The following IGF2BP2 variants were observed in gnomAD, a reference collection of about 807,000 sequenced individuals.
IGF2BP2 encodes insulin like growth factor 2 mRNA binding protein 2.
A neutral mutation model predicts 75.8 loss-of-function variants in IGF2BP2; 17 were observed. The ratio of observed to expected loss-of-function variants is 0.22; its 90% CI spans 0.15 to 0.34. IGF2BP2 has a LOEUF of 0.34. Among genes scored for constraint, IGF2BP2 ranks in the 10% least tolerant of loss-of-function variants. The pLI is 1.00. For synonymous variants in IGF2BP2, 288 were observed against 295.6 expected (o/e 0.97, Z 0.26); for missense variants, 516 against 772.4 (o/e 0.67, Z 3.93).
chr3:185,665,627 A>G (rs530362585), intron 10 of IGF2BP2, among the ~76,000 whole-genome samples: 13 of 151,940 alleles, frequency 8.6e-5, no homozygotes, highest in South Asian at 6.2e-4. Flanking sequence ...GAGGAGGAGG[A>G]TATCTACAAA....
chr3:185,801,620 A>T (rs538089287), intron 2 of IGF2BP2, among the ~76,000 whole-genome samples: 7 of 152,260 alleles, frequency 4.6e-5, no homozygotes, highest in African/African-American at 1.7e-4. Context: ...GCAATGCCTC[A>T]AGGATCTAGA....
At chr3:185,658,572 A>G (rs759966950) in intron 10 of IGF2BP2, among the ~76,000 whole-genome samples, 163 bp from the exon 11 acceptor site, 24 of 152,120 alleles carry the variant, frequency 1.6e-4, no homozygotes, top group Non-Finnish European at 8.8e-5. Context: ...TCTCTGCTCC[A>G]CTTCTCCCAC....
chr3:185,805,596 T>A (rs986886924), intron 2 of IGF2BP2, among the ~76,000 whole-genome samples: 5 of 152,022 alleles, frequency 3.3e-5, no homozygotes, highest in Non-Finnish European at 5.9e-5. Flanking sequence ...TGAGGAAAAC[T>A]GAGAAAAAAA....
intron 2 of IGF2BP2, among the ~76,000 whole-genome samples, chr3:185,820,196 C>A: frequency 6.7e-6 from 1 of 149,114 alleles, no homozygotes. Context: ...CAAAACAAGG[C>A]ATGCAGTATG....
chr3:185,722,811 C>T (rs1698682966), intron 2 of IGF2BP2, among the ~76,000 whole-genome samples: 1 of 152,114 alleles, frequency 6.6e-6, no homozygotes. Context: ...CACACATATA[C>T]ATATACACAG....
At chr3:185,712,376 C>T (rs544212238) in intron 2 of IGF2BP2, among the ~76,000 whole-genome samples, 7 of 152,114 alleles carry the variant, frequency 4.6e-5, no homozygotes, top group African/African-American at 1.4e-4. Context: ...AGAAAAAATA[C>T]AAATTTTAAA....
chr3:185,722,845 CAT>C (rs1726770668), intron 2 of IGF2BP2, among the ~76,000 whole-genome samples: 1 of 152,152 alleles, frequency 6.6e-6, no homozygotes, highest in Non-Finnish European at 1.5e-5. Context: ...GTGCTATAAA[CAT>C]ATAAATGCAC....
chr3:185,815,646 A>C (rs1740502838), intron 2 of IGF2BP2, among the ~76,000 whole-genome samples: 1 of 152,158 alleles, frequency 6.6e-6, no homozygotes, highest in Non-Finnish European at 1.5e-5. Flanking sequence ...CCTGAGTCAG[A>C]ATTCCACGGA....
intron 2 of IGF2BP2, among the ~76,000 whole-genome samples, chr3:185,771,412 C>A: frequency 6.7e-6 from 1 of 150,212 alleles, no homozygotes; most frequent in African/African-American, 2.5e-5. Flanking sequence ...TGCACTCCAG[C>A]CTGGGCGAAA....
intron 2 of IGF2BP2, among the ~76,000 whole-genome samples, chr3:185,720,685 G>A (rs544203353): frequency 1.2e-4 from 18 of 152,290 alleles, no homozygotes; most frequent in Non-Finnish European, 2.2e-4. Context: ...CACTCACCCA[G>A]TTATTCAGAG....
intron 2 of IGF2BP2, among the ~76,000 whole-genome samples, chr3:185,822,892 G>A (rs958013533): frequency 1.3e-5 from 2 of 151,802 alleles, no homozygotes; most frequent in African/African-American, 4.8e-5. Context: ...CAAGTTACAG[G>A]GTCCCAGCGA....
intron 2 of IGF2BP2, among the ~76,000 whole-genome samples, chr3:185,780,085 G>GA (rs1167251787): frequency 6.6e-5 from 10 of 152,148 alleles, no homozygotes; most frequent in Non-Finnish European, 1.2e-4. Flanking sequence ...CATGTTGCGT[G>GA]AAAAAAGCCA....
chr3:185,696,661 C>T lies in IGF2BP2; in HGVS notation c.291G>A (p.Val97=), dbSNP rs1253930239. The T allele has an allele frequency of 6.2e-7, 1 of 1,613,538 alleles. No homozygotes were observed. The highest frequency in any genetic ancestry group is 8.5e-7 in the Non-Finnish European group (1 of 1,179,734). ...RNIPPHLQWE[V]LDGLLAQYGT... ...CATATTGAGCCAAAAGTCCATCCAA[C>T]ACCTAAAAGAGAAAGCTTCCATGTC... Residue 97 remains valine (V), a splice_region_variant and synonymous_variant, in exon 4 of 16, where the codon GTG becomes GTA. Coordinates refer to ENST00000382199, the MANE Select transcript of IGF2BP2 (RefSeq NM_006548.6).
intron 2 of IGF2BP2, among the ~76,000 whole-genome samples, chr3:185,787,557 A>AC (rs1560469758): frequency 6.6e-6 from 1 of 152,062 alleles, no homozygotes; most frequent in Non-Finnish European, 1.5e-5. Context: ...ACGTGGTGAA[A>AC]CCCCACCTCT....
At chr3:185,819,252 T>C (rs968488767) in intron 2 of IGF2BP2, among the ~76,000 whole-genome samples, 1 of 152,158 alleles carries the variant, frequency 6.6e-6, no homozygotes, top group African/African-American at 2.4e-5. Flanking sequence ...CCTTTTGGAA[T>C]TAATGTTTAG....
intron 7 of IGF2BP2, among the ~76,000 whole-genome samples, chr3:185,677,090 G>GAGAGAA: frequency 7.7e-6 from 1 of 129,176 alleles, no homozygotes; most frequent in African/African-American, 2.9e-5. Flanking sequence ...GAGAGAGAGA[G>GAGAGAA]AGAGAGAGAG....
intron 2 of IGF2BP2, among the ~76,000 whole-genome samples, chr3:185,809,891 A>G (rs559524164): frequency 1.9e-3 from 295 of 152,330 alleles, no homozygotes; most frequent in Non-Finnish European, 3.0e-3. Context: ...GCACCTGTCC[A>G]AAGAAAAAAC....
Position 185,825,019 on chromosome 3 carries a change from C to G in IGF2BP2, c.-59G>C. The G allele has an allele frequency of 7.5e-7, 1 of 1,337,946 alleles. No individual in the cohort carries two copies. The highest frequency in any genetic ancestry group is 9.9e-7 in the Non-Finnish European group (1 of 1,006,318). 82.9% of individuals were successfully genotyped at this position (1,337,946 alleles called of 1,614,324 possible). A position where few individuals can be genotyped will look rare whatever the true frequency, so the allele number is the denominator to read the frequency against. On this transcript the variant is annotated 5_prime_UTR_variant, in exon 1 of 16. Transcript: ENST00000382199. ...GCCCGGTACCCGGCGCTCCTCGCCT[C>G]CTCCGCTGCCCTCGTCTCTCCTCCT...
intron 10 of IGF2BP2, among the ~76,000 whole-genome samples, chr3:185,663,574 A>C (rs920829043): frequency 1.3e-5 from 2 of 152,124 alleles, no homozygotes; most frequent in African/African-American, 4.8e-5. Context: ...GCGATGTGTG[A>C]CCATCTGATA....
Sources: allele counts gnomAD v4.1 joint callset (sites outside exome capture counted in the v4.1 genomes callset), GRCh38; gene constraint gnomAD v4.1.1; transcripts MANE v1.5; gene names NCBI Gene and HGNC (gene_info 2026-07-23, HGNC 2026-07-21).